The following PSEN2 variants were observed in gnomAD, a reference collection of about 807,000 sequenced individuals.
PSEN2 encodes the protein presenilin 2, also known as presenilin-2.
In PSEN2, 32 loss-of-function variants were observed where a neutral mutation model predicts 49.1. That is an observed-to-expected ratio of 0.65 (90% CI 0.49 to 0.88). PSEN2 has a LOEUF of 0.88. Ranked by LOEUF, PSEN2 falls within the 40% of genes least tolerant of loss-of-function variation. The pLI is 0.00. For synonymous variants in PSEN2, 255 were observed against 244.0 expected, an observed-to-expected ratio of 1.05 and a Z score of -0.42; for missense variants, 522 against 586.9, an observed-to-expected ratio of 0.89 and a Z score of 1.14.
chr1:226,885,453 C>A, intron 5 of PSEN2, 85 bp from the exon 6 acceptor site: 1 of 1,517,138 alleles, frequency 6.6e-7, no homozygotes, highest in Non-Finnish European at 9.0e-7. Context: ...AGGCACCTCC[C>A]CTAGCAGGTC....
intron 8 of PSEN2, among the ~76,000 whole-genome samples, 162 bp from the exon 9 acceptor site, chr1:226,889,873 G>C (rs1187711448): frequency 1.3e-5 from 2 of 152,230 alleles, no homozygotes; most frequent in East Asian, 3.9e-4. Context: ...GCTCACACCA[G>C]GGCCTGCTCT....
chr1:226,888,255 C>T (rs780067597), intron 7 of PSEN2, 97 bp downstream of exon 7: 43 of 1,153,634 alleles, frequency 3.7e-5, no homozygotes, highest in African/African-American at 6.1e-5. Flanking sequence ...AGATGACCAT[C>T]GAGCTCCAGT....
downstream of PSEN2, among the ~76,000 whole-genome samples, chr1:226,900,907 C>G (rs1253032656): frequency 2.0e-5 from 3 of 152,146 alleles, no homozygotes; most frequent in African/African-American, 7.2e-5. Flanking sequence ...ATGAGTTTAC[C>G]TTCAATTCTC....
At chr1:226,888,776 G>C in intron 7 of PSEN2, 53 bp from the exon 8 acceptor site, 1 of 1,497,258 alleles carries the variant, frequency 6.7e-7, no homozygotes, top group Non-Finnish European at 9.3e-7. Flanking sequence ...TAAACTGCTA[G>C]GCTGTAATGC....
In PSEN2 at chr1:226,895,640, GT is replaced by G; in HGVS notation, c.*65del. On this transcript the variant is annotated 3_prime_UTR_variant, in exon 13 of 13. Coordinates refer to ENST00000366783, the MANE Select transcript of PSEN2 (RefSeq NM_000447.3). The stretch of plus-strand genomic sequence containing the variant: ...AATTTTCATTGGATGCAGTTGTATA[GT>G]TTTACACTCTAGTGCCATATATTTT... 1 of 1,528,546 alleles carries G rather than the reference GT, an allele frequency of 6.5e-7. No homozygotes were observed. Among genetic ancestry groups the G allele is most frequent in the Non-Finnish European group, 8.9e-7 (1 of 1,119,374 alleles). The allele number at this position is 1,528,546 out of a possible 1,614,324, so 94.7% of individuals were successfully genotyped here.
intron 3 of PSEN2, among the ~76,000 whole-genome samples, chr1:226,878,311 C>T (rs920007095): frequency 1.3e-5 from 2 of 152,264 alleles, no homozygotes; most frequent in South Asian, 2.1e-4. Context: ...AACTCCTGAC[C>T]TCAGGTGATC....
intron 1 of PSEN2, chr1:226,870,969 C>T (rs1034761923): frequency 6.6e-6 from 1 of 152,386 alleles, no homozygotes; most frequent in Non-Finnish European, 1.5e-5. Flanking sequence ...CCGCCTGCCG[C>T]CGAGCCCCGG....
chr1:226,891,686 C>T, intron 10 of PSEN2, 57 bp from the exon 11 acceptor site: 1 of 1,444,782 alleles, frequency 6.9e-7, no homozygotes, highest in Non-Finnish European at 9.7e-7. Flanking sequence ...TTGTTTCTCT[C>T]TCTTGTTGTC....
At chr1:226,890,188 G>T (rs1661652589) in intron 9 of PSEN2, 55 bp downstream of exon 9, 3 of 1,428,688 alleles carry the variant, frequency 2.1e-6, no homozygotes, top group Non-Finnish European at 3.0e-6. Flanking sequence ...CAGCCTGTGG[G>T]GGGACAGGGG....
In PSEN2 at chr1:226,882,044, A is replaced by G; in HGVS notation, c.137A>G (p.Gln46Arg). The G allele has an allele frequency of 6.2e-7, 1 of 1,613,934 alleles. No homozygotes were observed. Among genetic ancestry groups the G allele is most frequent in the Non-Finnish European group, 8.5e-7 (1 of 1,180,018 alleles). Residue 46 changes from glutamine to arginine, a missense_variant, in exon 4 of 13, where the codon CAG (glutamine) becomes CGG (arginine). Physicochemically the swap from Gln to Arg is conservative, Grantham distance 43 (BLOSUM62 1). Transcript: ENST00000366783. The part of the protein sequence containing the change: ...QGPEDGENTA[Q>R]WRSQENEEDG... ...CCAGAGGATGGAGAGAACACTGCCC[A>G]GTGGGTAGGTCCCACCAGCAGCTGG...
intron 11 of PSEN2, among the ~76,000 whole-genome samples, chr1:226,892,184 G>A (rs1394116697): frequency 3.3e-5 from 5 of 152,182 alleles, no homozygotes; most frequent in Admixed American, 6.5e-5. Context: ...GGGGAGGGGC[G>A]GCAGGAGAGC....
At chr1:226,898,074 A>T (rs1252787468), downstream of PSEN2, 1 of 152,114 alleles carries the variant, frequency 6.6e-6, no homozygotes, top group African/African-American at 2.4e-5. Context: ...CTCCTGTCTC[A>T]ATTTCCTGAG....
chr1:226,900,557 T>C (rs1469326394), downstream of PSEN2, among the ~76,000 whole-genome samples: 1 of 152,190 alleles, frequency 6.6e-6, no homozygotes, highest in Non-Finnish European at 1.5e-5. Context: ...ACCACTGCCT[T>C]TCTTTCAGCT....
chr1:226,894,324 C>T (rs1050696629), intron 12 of PSEN2, among the ~76,000 whole-genome samples, 199 bp downstream of exon 12: 1 of 152,210 alleles, frequency 6.6e-6, no homozygotes. Flanking sequence ...AGGTGGGCTC[C>T]AGCCTGTGGA....
chr1:226,888,204 G>T (rs779804692), intron 7 of PSEN2, 46 bp downstream of exon 7: 2 of 1,489,010 alleles, frequency 1.3e-6, no homozygotes, highest in East Asian at 4.5e-5. Flanking sequence ...CCCTCTCCAT[G>T]TGGCACAAGT....
chr1:226,871,999 T>TG (rs1328878808), intron 2 of PSEN2, among the ~76,000 whole-genome samples: 1 of 152,250 alleles, frequency 6.6e-6, no homozygotes, highest in African/African-American at 2.4e-5. Flanking sequence ...ATCAGGTTTT[T>TG]GGGGAAAACT....
In PSEN2 at chr1:226,888,131, T is replaced by C; in HGVS notation, c.539T>C (p.Leu180Pro). 6.2e-7 allele frequency: 1 copy of C among 1,613,922 alleles called. No homozygotes were observed. The highest frequency in any genetic ancestry group is 8.5e-7 in the Non-Finnish European group (1 of 1,179,762). The change falls in exon 7 of 13, where the codon CTG becomes CCG. Residue 180 changes from leucine to proline, a missense_variant. Physicochemically the swap from Leu to Pro is moderately conservative, Grantham distance 98. Coordinates refer to ENST00000366783, the MANE Select transcript of PSEN2 (RefSeq NM_000447.3). Reference protein sequence around the residue: ...GWLIMSSLMLLFLFTYIYLGE... With the variant: ...GWLIMSSLMLPFLFTYIYLGE... ...TTGATCATGTCTTCACTGATGCTGC[T>C]GTTCCTCTTCACCTATATCTACCTT...
chr1:226,870,619 T>C lies in PSEN2; in HGVS notation c.-380T>C, dbSNP rs1660203774. 6.6e-6 allele frequency: 1 copy of C among 151,888 alleles called. No individual in the cohort carries two copies. 9.4% of individuals were successfully genotyped at this position (151,888 alleles called of 1,614,324 possible). On this transcript the variant is annotated 5_prime_UTR_variant, in exon 1 of 13. Transcript: ENST00000366783. Reference sequence around the variant, plus strand: ...CCGGCCGGGCGCTCAGCCAGCTGCGTAAACTCCGCTGGAGCGCGGCGGCAG... The same window carrying C: ...CCGGCCGGGCGCTCAGCCAGCTGCGCAAACTCCGCTGGAGCGCGGCGGCAG...
chr1:226,884,452 GGCA>G (rs1297460148), intron 5 of PSEN2, among the ~76,000 whole-genome samples: 2 of 152,086 alleles, frequency 1.3e-5, no homozygotes, highest in African/African-American at 4.8e-5. Flanking sequence ...TACATGCAGA[GGCA>G]GCAGCGTAGA....
Sources: allele counts gnomAD v4.1 joint callset (sites outside exome capture counted in the v4.1 genomes callset), GRCh38; gene constraint gnomAD v4.1.1; transcripts MANE v1.5; gene names NCBI Gene and HGNC (gene_info 2026-07-23, HGNC 2026-07-21).